The following ZP3 variants were observed in gnomAD, a reference collection of about 807,000 sequenced individuals.
ZP3 encodes zona pellucida sperm-binding protein 3.
A neutral mutation model predicts 35.6 loss-of-function variants in ZP3; 21 were observed. The ratio of observed to expected loss-of-function variants is 0.59; its 90% confidence interval spans 0.42 to 0.85. The LOEUF is 0.85. Ranked by LOEUF, ZP3 falls within the 40% of genes least tolerant of loss-of-function variation. The probability of loss-of-function intolerance (pLI) is 0.00; values close to 1 mark genes in which losing one functional copy is unlikely to be tolerated. For missense variants in ZP3, 437 were observed against 536.5 expected (o/e 0.81, Z 1.83); for synonymous variants, 207 against 214.5 (o/e 0.96, Z 0.31).
At chr7:76,434,936 G>A (rs867379253) in intron 5 of ZP3, among the ~76,000 whole-genome samples, 5 of 152,080 alleles carry the variant, frequency 3.3e-5, no homozygotes, top group African/African-American at 9.6e-5. Flanking sequence ...GACACTAAGA[G>A]GGAAGGAGAA....
rs1282990016 is a variant in ZP3, at chr7:76,433,443, C to T, written c.536-27C>T. 3 of 1,601,200 alleles carry T rather than the reference C, an allele frequency of 1.9e-6. No homozygotes were observed. In the Admixed American group the frequency reaches 5.1e-5, roughly 27 times the overall value. On this transcript the variant is annotated intron_variant, in intron 3 of 7. Transcript: ENST00000394857. The stretch of plus-strand genomic sequence containing the variant: ...GTGCTGGGATTACAGGCATGAGCCA[C>T]CATGCCCAGCTGACTGTGTCTTTCA...
At position 76,398,309 on chromosome 7, in the gene ZP3, A is replaced by ATT. The variant is rs575917641; in HGVS notation, c.-67+529_-67+530dup. Among the ~76,000 whole-genome samples, 347 of 127,194 alleles carry ATT rather than the reference A, an allele frequency of 2.7e-3. 2 individuals are homozygous for ATT. The highest frequency in any genetic ancestry group is 7.0e-3 in the South Asian group (28 of 3,984). 83.4% of individuals were successfully genotyped at this position (127,194 alleles called of 152,430 possible). Reference sequence around the variant, plus strand: ...CAGTCTCACCGCCCATTCATTTTCTATTTTTTTTTTTTTTTTTTGAGACAG... The same window carrying ATT: ...CAGTCTCACCGCCCATTCATTTTCTATTTTTTTTTTTTTTTTTTTTGAGACAG... On this transcript the variant is annotated intron_variant, in intron 1 of 8. Transcript: ENST00000336517.
intron 1 of ZP3, among the ~76,000 whole-genome samples, chr7:76,426,474 T>C (rs1277218908): frequency 1.3e-5 from 2 of 152,148 alleles, no homozygotes; most frequent in Non-Finnish European, 2.9e-5. Context: ...CCTGGAGCCC[T>C]CCGGCCAGAG....
At chr7:76,418,550 C>CAAAAA (rs1203476650) in intron 1 of ZP3, among the ~76,000 whole-genome samples, 14 of 30,048 alleles carry the variant, frequency 4.7e-4, no homozygotes, top group African/African-American at 1.8e-3. Flanking sequence ...GATTTCATCT[C>CAAAAA]AAAAAAAAAA....
intron 1 of ZP3, among the ~76,000 whole-genome samples, 169 bp downstream of exon 1, chr7:76,425,445 A>G (rs1805622798): frequency 6.6e-6 from 1 of 152,150 alleles, no homozygotes; most frequent in Admixed American, 6.5e-5. Context: ...CACCGGACCC[A>G]GGGCAGCTCC....
chr7:76,397,782 C>T (rs987344762), exon 1 of ZP3: 12 of 1,610,158 alleles, frequency 7.5e-6, no homozygotes, highest in East Asian at 4.5e-5. Context: ...AGGATCTCCA[C>T]TCGGCCCTGA....
At chr7:76,431,754 C>T (rs1186838624) in intron 2 of ZP3, among the ~76,000 whole-genome samples, 1 of 152,130 alleles carries the variant, frequency 6.6e-6, no homozygotes, top group African/African-American at 2.4e-5. Context: ...AAAAAATTAG[C>T]CAGGCCTAGT....
At chr7:76,410,039 C>CT (rs892498450) in intron 1 of ZP3, among the ~76,000 whole-genome samples, 6 of 151,272 alleles carry the variant, frequency 4.0e-5, no homozygotes, top group Non-Finnish European at 8.9e-5. Context: ...TTTCTTTTTT[C>CT]TTTTTTTTCA....
upstream of ZP3, among the ~76,000 whole-genome samples, chr7:76,421,151 G>A (rs1805495962): frequency 6.6e-6 from 1 of 152,098 alleles, no homozygotes; most frequent in Admixed American, 6.6e-5. Flanking sequence ...GGCCAGGCTG[G>A]TCTTAAACTC....
Position 76,403,785 on chromosome 7 carries a change from C to T in ZP3, c.-67+5988C>T, listed in dbSNP as rs571952637. On this transcript the variant is annotated intron_variant, in intron 1 of 8. Coordinates refer to the ZP3 transcript ENST00000336517. ...CAAGTGATTCTCCTGCCTCAGCCTCCTGAGTAGCTGGGATTACAGGTGCGT... is the reference window on the plus strand; with the variant it reads ...CAAGTGATTCTCCTGCCTCAGCCTCTTGAGTAGCTGGGATTACAGGTGCGT... Among the ~76,000 whole-genome samples, 209 of 152,094 alleles carry T rather than the reference C, an allele frequency of 1.4e-3. 2 individuals carry two copies. Among genetic ancestry groups the T allele is most frequent in the African/African-American group, 4.9e-3 (205 of 41,496 alleles).
At chr7:76,406,596 G>A (rs906512433) in intron 1 of ZP3, among the ~76,000 whole-genome samples, 12 of 151,744 alleles carry the variant, frequency 7.9e-5, no homozygotes, top group African/African-American at 2.2e-4. Context: ...GGATCCTCCC[G>A]TCTCAGCCTC....
At chr7:76,407,508 T>A (rs1805079531) in intron 1 of ZP3, among the ~76,000 whole-genome samples, 1 of 151,404 alleles carries the variant, frequency 6.6e-6, no homozygotes, top group Admixed American at 6.6e-5. Context: ...ATTGAGGGAG[T>A]ATCTCTTGAG....
chr7:76,425,312 G>A (rs773712442), intron 1 of ZP3, 36 bp downstream of exon 1: 4 of 1,571,482 alleles, frequency 2.5e-6, no homozygotes, highest in South Asian at 1.1e-5. Context: ...TTGGTGGGAG[G>A]ATGTTCGAGG....
intron 2 of ZP3, among the ~76,000 whole-genome samples, chr7:76,431,119 G>A (rs1424231577): frequency 6.6e-6 from 1 of 152,176 alleles, no homozygotes; most frequent in Non-Finnish European, 1.5e-5. Context: ...TGGGAGGCTG[G>A]AAAACTGGGA....
Position 76,432,928 on chromosome 7 carries a change from C to G in ZP3, c.433C>G (p.Gln145Glu). 6.2e-7 allele frequency: 1 copy of G among 1,613,726 alleles called. No individual in the cohort carries two copies. Among genetic ancestry groups the G allele is most frequent in the Non-Finnish European group, 8.5e-7 (1 of 1,179,850 alleles). Residue 145 changes from glutamine to glutamate, a missense_variant and splice_region_variant, in exon 3 of 8, where the codon CAG becomes GAG. By Grantham distance (29) the Gln-to-Glu change is conservative. This residue lies in a region of ZP3 where 352 missense variants were observed against 308.4 expected (regional missense o/e 1.14). Coordinates refer to ENST00000394857, the MANE Select transcript of ZP3 (RefSeq NM_001110354.2). ...GCACAGCTGCTGTTCTTCTCTCAGG[C>G]AGGGCAATGTGAGCAGCCAGGCCAT... ...EIPIECRYPRQGNVSSQAILP... is the reference protein window; with the variant it reads ...EIPIECRYPREGNVSSQAILP...
intron 1 of ZP3, among the ~76,000 whole-genome samples, chr7:76,409,997 A>G (rs949243220): frequency 1.3e-5 from 2 of 151,864 alleles, no homozygotes; most frequent in African/African-American, 2.4e-5. Context: ...TCACAACCTC[A>G]CTTGGGGGCT....
At chr7:76,403,626 G>A (rs1209055919) in intron 1 of ZP3, among the ~76,000 whole-genome samples, 4 of 151,104 alleles carry the variant, frequency 2.6e-5, no homozygotes, top group African/African-American at 9.8e-5. Flanking sequence ...GACAGCCACC[G>A]TGCCTGGCTG....
chr7:76,431,999 G>A (rs1339604856), intron 2 of ZP3, among the ~76,000 whole-genome samples: 1 of 151,728 alleles, frequency 6.6e-6, no homozygotes, highest in Non-Finnish European at 1.5e-5. Flanking sequence ...GAACCTCTAG[G>A]GCTAAAGTAT....
intron 2 of ZP3, among the ~76,000 whole-genome samples, chr7:76,432,333 C>T (rs551220397): frequency 7.2e-5 from 11 of 152,132 alleles, no homozygotes; most frequent in Admixed American, 2.6e-4. Flanking sequence ...GGACTAAAGG[C>T]GCCCGCCACC....
Sources: allele counts gnomAD v4.1 joint callset (sites outside exome capture counted in the v4.1 genomes callset), GRCh38; gene constraint gnomAD v4.1.1; regional missense constraint gnomAD v4.1.1; transcripts MANE v1.5; gene names NCBI Gene and HGNC (gene_info 2026-07-23, HGNC 2026-07-21).